Variants in SKAP2 observed in about 807,000 individuals in gnomAD.
SKAP2 encodes the protein src kinase associated phosphoprotein 2, also known as src kinase-associated phosphoprotein 2.
In SKAP2, 28 loss-of-function variants were observed where a neutral mutation model predicts 54.9. The ratio of observed to expected loss-of-function variants is 0.51; its 90% CI spans 0.38 to 0.70. The LOEUF (loss-of-function observed/expected upper bound fraction) is 0.70. Among genes scored for constraint, SKAP2 ranks in the 30% least tolerant of loss-of-function variants. The pLI, the probability that SKAP2 is intolerant of heterozygous loss-of-function variation, is 0.00. For missense variants in SKAP2, 356 were observed against 424.1 expected (o/e 0.84, Z 1.41); for synonymous variants, 137 against 134.3 (o/e 1.02, Z -0.14).
chr7:26,685,346 T>TA lies in SKAP2; in HGVS notation c.875-499dup, dbSNP rs34749566. Among the ~76,000 whole-genome samples, 301 of 148,322 alleles carry TA rather than the reference T, an allele frequency of 2.0e-3. 1 individual carries two copies. Among genetic ancestry groups the TA allele is most frequent in the South Asian group, 3.2e-3 (15 of 4,694 alleles). On this transcript the variant is annotated intron_variant, in intron 10 of 12. Coordinates refer to ENST00000345317, the MANE Select transcript of SKAP2 (RefSeq NM_003930.5). ...AAAACCAAAACTAAGGAACCAAAAT[T>TA]AAAAAAAAAATACTAAACCCTAGAG... is the stretch of plus-strand genomic sequence containing the variant.
intron 4 of SKAP2, among the ~76,000 whole-genome samples, chr7:26,784,949 A>C (rs1309480789): frequency 6.6e-6 from 1 of 152,172 alleles, no homozygotes; most frequent in Non-Finnish European, 1.5e-5. Context: ...TAAAGCAAGG[A>C]CAGGAAAATA....
At chr7:26,695,149 A>C (rs1786869005) in intron 9 of SKAP2, among the ~76,000 whole-genome samples, 2 of 152,344 alleles carry the variant, frequency 1.3e-5, no homozygotes, top group South Asian at 4.1e-4. Context: ...TCTTTCACTT[A>C]CATAATGATC....
At chr7:26,795,091 C>A (rs758054029) in intron 4 of SKAP2, among the ~76,000 whole-genome samples, 7 of 152,118 alleles carry the variant, frequency 4.6e-5, no homozygotes, top group Non-Finnish European at 7.4e-5. Context: ...TACTAATAAA[C>A]AGAAAATGTC....
intron 3 of SKAP2, among the ~76,000 whole-genome samples, chr7:26,852,714 A>C (rs1444271284): frequency 6.6e-6 from 1 of 152,180 alleles, no homozygotes; most frequent in Non-Finnish European, 1.5e-5. Context: ...AAGCTTCCCA[A>C]CTATTACTGA....
intron 4 of SKAP2, among the ~76,000 whole-genome samples, chr7:26,787,622 T>G (rs1783580581): frequency 6.6e-6 from 1 of 152,106 alleles, no homozygotes. Context: ...CCACCACACC[T>G]GGCCAGGAAG....
At chr7:26,792,267 G>A (rs567861219) in intron 4 of SKAP2, among the ~76,000 whole-genome samples, 26 of 152,268 alleles carry the variant, frequency 1.7e-4, no homozygotes, top group African/African-American at 6.3e-4. Flanking sequence ...TATCATGACT[G>A]TGCAAGTGGT....
intron 4 of SKAP2, among the ~76,000 whole-genome samples, chr7:26,743,260 C>T (rs1021270361): frequency 5.3e-5 from 8 of 152,142 alleles, no homozygotes; most frequent in Admixed American, 4.6e-4. Flanking sequence ...ATTCAGTAAA[C>T]GTTAGCTTTC....
intron 4 of SKAP2, among the ~76,000 whole-genome samples, chr7:26,804,325 CCTTT>C (rs1369934869): frequency 2.0e-5 from 3 of 152,122 alleles, no homozygotes; most frequent in Non-Finnish European, 4.4e-5. Context: ...CCTCTGTTAT[CCTTT>C]CTAACTCTAT....
At chr7:26,712,406 G>C (rs1182257576) in intron 9 of SKAP2, among the ~76,000 whole-genome samples, 4 of 152,142 alleles carry the variant, frequency 2.6e-5, no homozygotes, top group Non-Finnish European at 5.9e-5. Flanking sequence ...GATGAGATTT[G>C]GTTGGTACGT....
chr7:26,738,316 C>G (rs73278852), intron 6 of SKAP2, among the ~76,000 whole-genome samples: 1,626 of 152,220 alleles, frequency 0.011, 34 homozygotes, highest in African/African-American at 0.037. Context: ...TAGAACGGTG[C>G]CCAGTATATA....
At chr7:26,673,275 G>GA (rs1327339004) in intron 11 of SKAP2, among the ~76,000 whole-genome samples, 1 of 152,062 alleles carries the variant, frequency 6.6e-6, no homozygotes, top group Non-Finnish European at 1.5e-5. Flanking sequence ...AACATCAGCT[G>GA]AAATGCTAAC....
chr7:26,809,607 G>C (rs1784097639), intron 4 of SKAP2, among the ~76,000 whole-genome samples: 1 of 152,172 alleles, frequency 6.6e-6, no homozygotes, highest in Admixed American at 6.5e-5. Context: ...AAGATAACCA[G>C]TGTTTGTGAG....
At chr7:26,658,683 A>G in the SKAP2 span, among the ~76,000 whole-genome samples, 5 of 152,246 alleles carry the variant, frequency 3.3e-5, no homozygotes, top group African/African-American at 1.2e-4. Context: ...AGGCATCACA[A>G]TTTTTAAGAT....
intron 4 of SKAP2, among the ~76,000 whole-genome samples, chr7:26,788,907 AT>A (rs1169916448): frequency 6.6e-6 from 1 of 152,194 alleles, no homozygotes; most frequent in African/African-American, 2.4e-5. Flanking sequence ...TCTCTTCGGA[AT>A]AATTATAAAC....
At chr7:26,717,867 A>G (rs903919371) in intron 9 of SKAP2, among the ~76,000 whole-genome samples, 1 of 148,086 alleles carries the variant, frequency 6.8e-6, no homozygotes, top group Admixed American at 6.6e-5. Context: ...TTAAATTTTT[A>G]AAAAATTAAA....
chr7:26,713,728 T>C (rs369016099), intron 9 of SKAP2, among the ~76,000 whole-genome samples: 2,421 of 151,946 alleles, frequency 0.016, 64 homozygotes, highest in African/African-American at 0.055. Context: ...GCCTCCCGAG[T>C]AGCTGGGACT....
downstream of SKAP2, among the ~76,000 whole-genome samples, chr7:26,665,939 TATAA>T (rs974786921): frequency 6.6e-6 from 1 of 152,118 alleles, no homozygotes; most frequent in African/African-American, 2.4e-5. Context: ...AGTATATTAC[TATAA>T]ATAAGATCAT....
chr7:26,675,051 A>G (rs1786322317), intron 11 of SKAP2, among the ~76,000 whole-genome samples: 1 of 152,022 alleles, frequency 6.6e-6, no homozygotes, highest in Non-Finnish European at 1.5e-5. Context: ...CACCCATTCC[A>G]CTTTATTCTC....
chr7:26,847,837 G>T (rs1396481532), intron 3 of SKAP2, among the ~76,000 whole-genome samples: 1 of 152,164 alleles, frequency 6.6e-6, no homozygotes, highest in Non-Finnish European at 1.5e-5. Flanking sequence ...AGACATGAAT[G>T]TGTCCCTGTT....
Sources: allele counts gnomAD v4.1 joint callset (sites outside exome capture counted in the v4.1 genomes callset), GRCh38; gene constraint gnomAD v4.1.1; transcripts MANE v1.5; gene names NCBI Gene and HGNC (gene_info 2026-07-23, HGNC 2026-07-21).